Variants in IL13RA1 observed in about 807,000 individuals in gnomAD.
The protein encoded by IL13RA1 is interleukin 13 receptor subunit alpha 1, also known as interleukin-13 receptor subunit alpha-1.
Under a neutral mutation model 33.8 loss-of-function variants are expected in IL13RA1, and 14 were observed. The observed-to-expected ratio is 0.41, with a 90% CI of 0.27 to 0.65. The LOEUF is 0.65. Among genes scored for constraint, IL13RA1 ranks in the 30% least tolerant of loss-of-function variants. The pLI is 0.28. For synonymous variants in IL13RA1, 116 were observed against 115.7 expected (o/e 1.00, Z -0.02); for missense variants, 313 against 327.0 (o/e 0.96, Z 0.33).
the IL13RA1 span, among the ~76,000 whole-genome samples, chrX:118,800,570 C>G: frequency 1.4e-4 from 16 of 110,893 alleles, no homozygotes; most frequent in African/African-American, 4.3e-4. Context: ...AGACTCCAGA[C>G]GCGCCACCTT....
At chrX:118,735,520 C>G (rs1020831107) in intron 1 of IL13RA1, among the ~76,000 whole-genome samples, 2 of 111,860 alleles carry the variant, frequency 1.8e-5, no homozygotes, top group African/African-American at 6.5e-5. Context: ...CGCCTTTCAT[C>G]AAATTTGGGA....
At chrX:118,756,186 CTT>C (rs2017528533) in intron 4 of IL13RA1, among the ~76,000 whole-genome samples, 1 of 110,913 alleles carries the variant, frequency 9.0e-6, no homozygotes, top group African/African-American at 3.3e-5. Flanking sequence ...ATTTGGGACT[CTT>C]TACTCTTAGT....
rs759382326 is a variant in IL13RA1 at position 118,793,939 on chromosome X, G to A, written c.*2085G>A. The A allele has an allele frequency of 8.9e-6, 1 of 112,322 alleles. No homozygotes were observed. Among genetic ancestry groups the A allele is most frequent in the Admixed American group, 9.4e-5 (1 of 10,612 alleles). The allele number at this position is 112,322 out of a possible 1,213,427, so 9.3% of individuals were successfully genotyped here. ...ACTTTGTTCTGCTGTTCTCTAGAAA[G>A]AATATTTGGTTTTCCTGTATAGGAA... On this transcript the variant is annotated 3_prime_UTR_variant, in exon 11 of 11. Transcript: ENST00000371666.
intron 2 of IL13RA1, among the ~76,000 whole-genome samples, chrX:118,742,072 G>A (rs962993885): frequency 7.2e-5 from 8 of 111,255 alleles, no homozygotes; most frequent in Admixed American, 5.8e-4. Context: ...TACTCACTTC[G>A]CTGGCTTGCT....
the IL13RA1 span, among the ~76,000 whole-genome samples, chrX:118,804,434 C>A: frequency 9.3e-6 from 1 of 107,344 alleles, no homozygotes; most frequent in Non-Finnish European, 1.9e-5. Flanking sequence ...CACACACACA[C>A]AAATGCCAAC....
rs982332593 is a variant in IL13RA1, at chrX:118,793,534, G to T, written c.*1680G>T. On this transcript the variant is annotated 3_prime_UTR_variant, in exon 11 of 11. Transcript: ENST00000371666. ...TCTCACCTATCCACACAACATATCCGTATATATCCCCTCTACTCTTACTTC... is the reference window on the plus strand; with the variant it reads ...TCTCACCTATCCACACAACATATCCTTATATATCCCCTCTACTCTTACTTC... 1 of 111,251 alleles carries T rather than the reference G, an allele frequency of 9.0e-6. No homozygotes were observed. The highest frequency in any genetic ancestry group is 3.3e-5 in the African/African-American group (1 of 30,542). 9.2% of individuals were successfully genotyped at this position (111,251 alleles called of 1,213,427 possible).
chrX:118,735,225 T>C (rs949910896), intron 1 of IL13RA1, among the ~76,000 whole-genome samples: 8 of 111,291 alleles, frequency 7.2e-5, no homozygotes, highest in Admixed American at 2.9e-4. Flanking sequence ...TTAGTCCATC[T>C]AGCTAAAGGT....
chrX:118,784,129 G>GTATA (rs72041786), intron 10 of IL13RA1, among the ~76,000 whole-genome samples: 30,208 of 61,498 alleles, frequency 0.49, 7,110 homozygotes, highest in East Asian at 0.79. Context: ...GTATATATAT[G>GTATA]TATATATATA....
intron 4 of IL13RA1, among the ~76,000 whole-genome samples, chrX:118,755,384 ATTTT>A (rs61662256): frequency 2.1e-4 from 21 of 101,459 alleles, no homozygotes; most frequent in African/African-American, 7.2e-4. Flanking sequence ...AATTTTAGGG[ATTTT>A]TTTTTTTTTT....
At chrX:118,755,214 G>A (rs1484753941) in intron 4 of IL13RA1, among the ~76,000 whole-genome samples, 5 of 110,516 alleles carry the variant, frequency 4.5e-5, no homozygotes, top group Non-Finnish European at 9.4e-5. Flanking sequence ...CTCCTAAAGT[G>A]CTGGGATTAC....
intron 10 of IL13RA1, 30 bp downstream of exon 10, chrX:118,776,541 G>GTTTTT (rs5903529): frequency 1.2e-3 from 262 of 219,266 alleles, no homozygotes; most frequent in African/African-American, 2.3e-3. Flanking sequence ...GGCTTGAAAT[G>GTTTTT]TTTTTTTTTT....
At chrX:118,764,402 T>TAG (rs1334389165) in intron 6 of IL13RA1, among the ~76,000 whole-genome samples, 1 of 110,071 alleles carries the variant, frequency 9.1e-6, no homozygotes, top group East Asian at 2.9e-4. Context: ...CCCTCACTGG[T>TAG]AGTTGACGCT....
At chrX:118,796,571 C>T (rs756562454), downstream of IL13RA1, among the ~76,000 whole-genome samples, 4 of 111,883 alleles carry the variant, frequency 3.6e-5, no homozygotes, top group East Asian at 8.4e-4. Flanking sequence ...GGATTTTGCT[C>T]GTGTTGCCCA....
At chrX:118,788,528 A>G (rs2017943951) in intron 10 of IL13RA1, among the ~76,000 whole-genome samples, 1 of 112,144 alleles carries the variant, frequency 8.9e-6, no homozygotes, top group South Asian at 3.7e-4. Context: ...ATGCTACAAC[A>G]GCAGAGTTGT....
chrX:118,776,640 A>G (rs765367784), intron 10 of IL13RA1, 129 bp downstream of exon 10: 1 of 381,988 alleles, frequency 2.6e-6, no homozygotes. Flanking sequence ...ATTTTTAAGT[A>G]TACAGTTCAG....
chrX:118,801,843 G>A, the IL13RA1 span, among the ~76,000 whole-genome samples: 1 of 112,513 alleles, frequency 8.9e-6, no homozygotes, highest in Non-Finnish European at 1.9e-5. Context: ...AATTTGTAAT[G>A]ACATGGCATT....
chrX:118,729,460 G>A (rs2017191712), intron 1 of IL13RA1, among the ~76,000 whole-genome samples: 1 of 112,001 alleles, frequency 8.9e-6, no homozygotes, highest in Non-Finnish European at 1.9e-5. Flanking sequence ...GTGGGACTCT[G>A]GGCTGGTCAT....
intron 6 of IL13RA1, among the ~76,000 whole-genome samples, chrX:118,764,028 T>A (rs1347653349): frequency 9.0e-6 from 1 of 111,383 alleles, no homozygotes; most frequent in Non-Finnish European, 1.9e-5. Context: ...TTCTTTTTTT[T>A]TCCTTTTTGA....
chrX:118,782,794 C>G (rs2495628), intron 10 of IL13RA1, among the ~76,000 whole-genome samples: 18,072 of 105,341 alleles, frequency 0.17, 1,450 homozygotes, highest in East Asian at 0.43. Context: ...TATGAATGGG[C>G]TTTTGCCATG....
Sources: allele counts gnomAD v4.1 joint callset (sites outside exome capture counted in the v4.1 genomes callset), GRCh38; gene constraint gnomAD v4.1.1; transcripts MANE v1.5; gene names NCBI Gene and HGNC (gene_info 2026-07-23, HGNC 2026-07-21).